MAN1A1: variants seen among roughly 807,000 people sequenced by gnomAD.
MAN1A1 encodes mannosidase alpha class 1A member 1, also known as mannosyl-oligosaccharide 1,2-alpha-mannosidase IA.
Under a neutral mutation model 70.8 loss-of-function variants are expected in MAN1A1, and 29 were observed. The ratio of observed to expected loss-of-function variants is 0.41; its 90% CI spans 0.31 to 0.56. The LOEUF is 0.56. MAN1A1 is among the 20% of genes least tolerant of loss of function. The probability of loss-of-function intolerance (pLI) is 0.29; values close to 1 mark genes in which losing one functional copy is unlikely to be tolerated. For missense variants in MAN1A1, 747 were observed against 841.3 expected (o/e 0.89, Z 1.39); for synonymous variants, 349 against 330.1 (o/e 1.06, Z -0.62).
chr6:119,334,209 G>T lies in MAN1A1; in HGVS notation c.603+14254C>A, dbSNP rs1314151544. ...TTTCCTATTTTCTTTACCATCAACA[G>T]CAAGCAGATTTTAAATTCTAAGATT... On this transcript the variant is annotated intron_variant, in intron 2 of 12. Transcript: ENST00000368468. Among the ~76,000 whole-genome samples the T allele has an allele frequency of 2.0e-5, 3 of 152,128 alleles. No individual in the cohort carries two copies. In the East Asian group the frequency reaches 5.8e-4, roughly 29 times the overall value.
chr6:119,204,965 G>C, intron 6 of MAN1A1, 83 bp from the exon 7 acceptor site: 1 of 1,462,422 alleles, frequency 6.8e-7, no homozygotes, highest in Non-Finnish European at 9.2e-7. Flanking sequence ...GAAATAGACA[G>C]CTTTTAAAAA....
chr6:119,200,606 C>T (rs1773689693), intron 8 of MAN1A1, among the ~76,000 whole-genome samples: 1 of 152,078 alleles, frequency 6.6e-6, no homozygotes, highest in African/African-American at 2.4e-5. Flanking sequence ...ACTGTTTTTC[C>T]AAATCAGCTT....
At chr6:119,327,299 T>C (rs533542153) in intron 2 of MAN1A1, 2 of 152,012 alleles carry the variant, frequency 1.3e-5, no homozygotes, top group South Asian at 2.1e-4. Context: ...TTTGTCAACA[T>C]GTATGAACAC....
chr6:119,207,954 C>A (rs946831452), intron 6 of MAN1A1, among the ~76,000 whole-genome samples: 1 of 152,042 alleles, frequency 6.6e-6, no homozygotes, highest in African/African-American at 2.4e-5. Context: ...ATTTTAAAGA[C>A]AGCTATGGTG....
rs1339133900 is a variant in MAN1A1, at chr6:119,179,213, G to A, written c.*606C>T. 1 of 152,546 alleles carries A rather than the reference G, an allele frequency of 6.6e-6. No homozygotes were observed. The highest frequency in any genetic ancestry group is 1.5e-5 in the Non-Finnish European group (1 of 67,994). 9.4% of individuals were successfully genotyped at this position (152,546 alleles called of 1,614,324 possible). A position where few individuals can be genotyped will look rare whatever the true frequency, so the allele number is the denominator to read the frequency against. The stretch of plus-strand genomic sequence containing the variant: ...ATATACTGCAGTTCCGATGAAATGA[G>A]GTCAACATGACATGATCCTTTTGGA... On this transcript the variant is annotated 3_prime_UTR_variant, in exon 13 of 13. Coordinates refer to ENST00000368468, the MANE Select transcript of MAN1A1 (RefSeq NM_005907.4).
At chr6:119,206,571 T>C (rs894919358) in intron 6 of MAN1A1, among the ~76,000 whole-genome samples, 1 of 152,206 alleles carries the variant, frequency 6.6e-6, no homozygotes, top group African/African-American at 2.4e-5. Context: ...AATGATATAT[T>C]CATTTATTTT....
chr6:119,296,133 A>T (rs1355631164), intron 4 of MAN1A1, among the ~76,000 whole-genome samples: 1 of 152,242 alleles, frequency 6.6e-6, no homozygotes, highest in Non-Finnish European at 1.5e-5. Context: ...AATATTTCAC[A>T]GTGTAAGTCA....
At chr6:119,252,858 C>T (rs1465007694) in intron 5 of MAN1A1, among the ~76,000 whole-genome samples, 1 of 152,030 alleles carries the variant, frequency 6.6e-6, no homozygotes, top group East Asian at 1.9e-4. Flanking sequence ...ATCATAGTGG[C>T]CAGCCATGGG....
chr6:119,215,073 T>C (rs531546821), intron 6 of MAN1A1, among the ~76,000 whole-genome samples: 8 of 151,750 alleles, frequency 5.3e-5, no homozygotes, highest in African/African-American at 9.7e-5. Context: ...GGGGGAAGGA[T>C]AGCATTAGGA....
chr6:119,219,333 G>C (rs1416140876), intron 6 of MAN1A1, among the ~76,000 whole-genome samples: 1 of 152,094 alleles, frequency 6.6e-6, no homozygotes, highest in Non-Finnish European at 1.5e-5. Context: ...GAATGGGTCA[G>C]ATAATCATTA....
At chr6:119,270,289 A>G (rs1775884121) in intron 5 of MAN1A1, among the ~76,000 whole-genome samples, 1 of 152,204 alleles carries the variant, frequency 6.6e-6, no homozygotes, top group African/African-American at 2.4e-5. Flanking sequence ...ACATACATAT[A>G]TATGCATATT....
In MAN1A1 at chr6:119,309,959, T is replaced by C. The variant is rs3798629; in HGVS notation, c.604-2967A>G. 5.9e-3 allele frequency among the ~76,000 whole-genome samples: 896 copies of C among 152,334 alleles called. 31 individuals carry two copies. The East Asian group carries it at 0.09, about 15-fold the overall frequency. ...AGTATCTGCTACACTATGAAAAGAT[T>C]CTAAAGGACTAAAAGGGAAGTATAC... On this transcript the variant is annotated intron_variant, in intron 2 of 12. Coordinates refer to ENST00000368468, the MANE Select transcript of MAN1A1 (RefSeq NM_005907.4).
intron 8 of MAN1A1, among the ~76,000 whole-genome samples, chr6:119,195,531 T>A (rs568955633): frequency 1.3e-5 from 2 of 152,272 alleles, no homozygotes; most frequent in African/African-American, 4.8e-5. Context: ...TCACACACTT[T>A]TTGGTAGCAC....
At chr6:119,219,275 T>C (rs1426486809) in intron 6 of MAN1A1, among the ~76,000 whole-genome samples, 5 of 152,174 alleles carry the variant, frequency 3.3e-5, no homozygotes, top group African/African-American at 9.7e-5. Flanking sequence ...ACAGAGAACA[T>C]TTTATCCAGA....
intron 6 of MAN1A1, among the ~76,000 whole-genome samples, chr6:119,237,013 G>T (rs1458049977): frequency 1.3e-5 from 2 of 152,188 alleles, no homozygotes; most frequent in Non-Finnish European, 2.9e-5. Flanking sequence ...TGCAGATGTG[G>T]TAAAATAGCA....
chr6:119,186,836 T>TA (rs1376373801), intron 11 of MAN1A1, among the ~76,000 whole-genome samples: 6 of 152,084 alleles, frequency 3.9e-5, no homozygotes, highest in African/African-American at 1.4e-4. Context: ...TTTTCTGGTT[T>TA]AAAAAATGCA....
At chr6:119,328,442 A>C (rs1773215289) in intron 2 of MAN1A1, among the ~76,000 whole-genome samples, 1 of 152,256 alleles carries the variant, frequency 6.6e-6, no homozygotes, top group Admixed American at 6.5e-5. Context: ...TTGGACTGTT[A>C]ATAAGTGGCA....
intron 6 of MAN1A1, among the ~76,000 whole-genome samples, chr6:119,232,640 T>G (rs1774715961): frequency 6.6e-6 from 1 of 151,754 alleles, no homozygotes; most frequent in Non-Finnish European, 1.5e-5. Flanking sequence ...CCAGATTAGA[T>G]TAAATCAAAT....
At chr6:119,282,009 G>A (rs889719825) in intron 5 of MAN1A1, among the ~76,000 whole-genome samples, 1 of 152,168 alleles carries the variant, frequency 6.6e-6, no homozygotes, top group Non-Finnish European at 1.5e-5. Context: ...ATGCAGTGAA[G>A]TGAGCCAAGA....
Sources: allele counts gnomAD v4.1 joint callset (sites outside exome capture counted in the v4.1 genomes callset), GRCh38; gene constraint gnomAD v4.1.1; transcripts MANE v1.5; gene names NCBI Gene and HGNC (gene_info 2026-07-23, HGNC 2026-07-21).